NKAIN2: variants seen among roughly 807,000 people sequenced by gnomAD.
NKAIN2 encodes the protein sodium/potassium transporting ATPase interacting 2.
A neutral mutation model predicts 32.6 loss-of-function variants in NKAIN2; 14 were observed. The observed-to-expected ratio is 0.43, with a 90% CI of 0.28 to 0.67. NKAIN2 has a LOEUF of 0.67. Among genes scored for constraint, NKAIN2 ranks in the 30% least tolerant of loss-of-function variants. The pLI, the probability that NKAIN2 is intolerant of heterozygous loss-of-function variation, is 0.17. For synonymous variants in NKAIN2, 80 were observed against 87.2 expected (o/e 0.92, Z 0.46); for missense variants, 198 against 258.3 (o/e 0.77, Z 1.60).
intron 3 of NKAIN2, among the ~76,000 whole-genome samples, chr6:124,650,405 C>T (rs1421882877): frequency 6.6e-6 from 1 of 152,082 alleles, no homozygotes; most frequent in East Asian, 1.9e-4. Context: ...ACCACACACA[C>T]ACAAAAGGAA....
intron 1 of NKAIN2, among the ~76,000 whole-genome samples, chr6:124,024,610 TTAAGA>T (rs1429431796): frequency 6.9e-6 from 1 of 144,480 alleles, no homozygotes; most frequent in African/African-American, 2.8e-5. Context: ...AAAGCAGATC[TTAAGA>T]TTATCAGTTA....
chr6:124,008,516 G>A (rs1780181682), intron 1 of NKAIN2, among the ~76,000 whole-genome samples: 1 of 152,052 alleles, frequency 6.6e-6, no homozygotes, highest in Non-Finnish European at 1.5e-5. Context: ...AAAGGAAATG[G>A]CATGTGTGAA....
rs1432419184 is a variant in NKAIN2, at chr6:124,141,221, G to A, written c.55-141784G>A. ...CAAGATTTATGACTTTAGTTTCCTG[G>A]GAGCAATGAAAATTCCCTGTGCTTA... On this transcript the variant is annotated intron_variant, in intron 1 of 6. Coordinates refer to ENST00000368417, the MANE Select transcript of NKAIN2 (RefSeq NM_001040214.3). 3.9e-5 allele frequency among the ~76,000 whole-genome samples: 6 copies of A among 152,144 alleles called. 1 individual carries two copies. In the South Asian group the frequency reaches 1.2e-3, roughly 32 times the overall value.
At chr6:124,422,087 A>T (rs528502419) in intron 3 of NKAIN2, among the ~76,000 whole-genome samples, 1 of 152,160 alleles carries the variant, frequency 6.6e-6, no homozygotes, top group Non-Finnish European at 1.5e-5. Flanking sequence ...AGAAAAAATA[A>T]AAGTATAATT....
chr6:124,481,222 T>G (rs1334808264), intron 3 of NKAIN2, among the ~76,000 whole-genome samples: 1 of 151,486 alleles, frequency 6.6e-6, no homozygotes, highest in Non-Finnish European at 1.5e-5. Context: ...GAAACTATCT[T>G]AAGAATTATA....
intron 1 of NKAIN2, among the ~76,000 whole-genome samples, chr6:123,899,744 G>A (rs917576255): frequency 6.6e-6 from 1 of 152,156 alleles, no homozygotes; most frequent in African/African-American, 2.4e-5. Flanking sequence ...TCTAGGAGAG[G>A]TGGGGATTGT....
intron 4 of NKAIN2, among the ~76,000 whole-genome samples, chr6:124,728,906 A>G (rs1297417679): frequency 2.0e-5 from 3 of 151,194 alleles, no homozygotes; most frequent in South Asian, 2.1e-4. Flanking sequence ...AATACAAACT[A>G]CCATCAGAGA....
intron 1 of NKAIN2, among the ~76,000 whole-genome samples, chr6:124,040,244 A>T (rs1781807406): frequency 6.6e-6 from 1 of 151,896 alleles, no homozygotes; most frequent in Admixed American, 6.6e-5. Flanking sequence ...AATTTTATAA[A>T]TATTTATGTA....
chr6:124,372,107 G>A (rs1013027786), intron 3 of NKAIN2, among the ~76,000 whole-genome samples: 5 of 152,046 alleles, frequency 3.3e-5, no homozygotes, highest in South Asian at 2.1e-4. Flanking sequence ...GATTGGTTTT[G>A]ATGATAAATT....
intron 4 of NKAIN2, among the ~76,000 whole-genome samples, chr6:124,788,939 A>G (rs1779624359): frequency 6.6e-6 from 1 of 152,168 alleles, no homozygotes; most frequent in South Asian, 2.1e-4. Context: ...TGGGGGACAC[A>G]AATTTCCATT....
chr6:124,373,569 A>G (rs1459295073), intron 3 of NKAIN2, among the ~76,000 whole-genome samples: 1 of 152,144 alleles, frequency 6.6e-6, no homozygotes, highest in Non-Finnish European at 1.5e-5. Context: ...AGGGAAAGGA[A>G]GAGAGCTGAG....
chr6:124,355,378 A>G lies in NKAIN2; in HGVS notation c.273+31A>G, dbSNP rs370833158. ...TTACATCTAATTTGCCTGAGTCATC[A>G]GTAGGGTGTTAACAAGTCTCTTCCT... is the stretch of plus-strand genomic sequence containing the variant. On this transcript the variant is annotated intron_variant, in intron 3 of 6. Transcript: ENST00000368417. 67 of 1,254,540 alleles carry G rather than the reference A, an allele frequency of 5.3e-5. No homozygotes were observed. The African/African-American group carries it at 7.9e-4, about 15-fold the overall frequency. 77.7% of individuals were successfully genotyped at this position (1,254,540 alleles called of 1,614,324 possible).
intron 3 of NKAIN2, among the ~76,000 whole-genome samples, chr6:124,622,066 A>C (rs1783126230): frequency 6.6e-6 from 1 of 152,184 alleles, no homozygotes; most frequent in Admixed American, 6.5e-5. Flanking sequence ...TTTTTCTCTC[A>C]CAATTCTAGA....
Position 124,222,866 on chromosome 6 carries a change from C to G in NKAIN2, c.55-60139C>G, listed in dbSNP as rs546684462. Among the ~76,000 whole-genome samples, 3 of 152,224 alleles carry G rather than the reference C, an allele frequency of 2.0e-5. No individual in the cohort carries two copies. The South Asian group carries it at 6.2e-4, about 32-fold the overall frequency. On this transcript the variant is annotated intron_variant, in intron 1 of 6. Coordinates refer to ENST00000368417, the MANE Select transcript of NKAIN2 (RefSeq NM_001040214.3). ...GCATCATTGAAGACAAGGACAAGAA[C>G]ACTTGTGAAATCCTAATTCATACTG...
At chr6:124,207,533 G>C (rs1380204708) in intron 1 of NKAIN2, among the ~76,000 whole-genome samples, 1 of 148,726 alleles carries the variant, frequency 6.7e-6, no homozygotes, top group Non-Finnish European at 1.5e-5. Context: ...CTTTAATTCT[G>C]CTTATTTTCT....
intron 3 of NKAIN2, among the ~76,000 whole-genome samples, chr6:124,573,666 C>G (rs775736888): frequency 2.6e-5 from 4 of 152,012 alleles, no homozygotes; most frequent in Non-Finnish European, 5.9e-5. Context: ...TGTAGCGCAG[C>G]CCCCACTTTC....
intron 1 of NKAIN2, among the ~76,000 whole-genome samples, chr6:123,991,952 T>C (rs966774364): frequency 2.6e-5 from 4 of 152,118 alleles, no homozygotes; most frequent in African/African-American, 9.7e-5. Context: ...TTTTCTTCTA[T>C]AGGTTGGCTA....
intron 1 of NKAIN2, among the ~76,000 whole-genome samples, chr6:124,102,890 A>G (rs552744097): frequency 3.3e-5 from 5 of 152,286 alleles, no homozygotes; most frequent in African/African-American, 1.2e-4. Flanking sequence ...GAGGCCTAAC[A>G]GTGTTTGGCT....
At chr6:124,751,371 A>C (rs918467612) in intron 4 of NKAIN2, among the ~76,000 whole-genome samples, 1 of 151,964 alleles carries the variant, frequency 6.6e-6, no homozygotes, top group African/African-American at 2.4e-5. Flanking sequence ...TAAATGCTTA[A>C]AGAAAAGGGG....
Sources: gnomAD v4.1 joint callset for allele counts (sites outside exome capture counted in the v4.1 genomes callset) on GRCh38, gnomAD v4.1.1 for gene constraint, MANE v1.5 for transcripts, NCBI Gene and HGNC (gene_info 2026-07-23, HGNC 2026-07-21) for gene names.